The following TMEM272 variants were observed in gnomAD, a reference collection of about 807,000 sequenced individuals.
The protein encoded by TMEM272 is long intergenic non-protein coding RNA 282.
Under a neutral mutation model 3.7 loss-of-function variants are expected in TMEM272, and 8 were observed. The ratio of observed to expected loss-of-function variants is 2.17; its 90% CI spans 1.27 to 3.91. The LOEUF (loss-of-function observed/expected upper bound fraction) is 3.91. TMEM272 is among the 30% of genes most tolerant of loss of function. The pLI, the probability that TMEM272 is intolerant of heterozygous loss-of-function variation, is 0.00. For synonymous variants in TMEM272, 63 were observed against 39.8 expected, an observed-to-expected ratio of 1.58 and a Z score of -2.20; for missense variants, 166 against 91.5, an observed-to-expected ratio of 1.81 and a Z score of -3.32.
chr13:51,821,299 T>C (rs1956076433), intron 4 of TMEM272, among the ~76,000 whole-genome samples: 1 of 152,022 alleles, frequency 6.6e-6, no homozygotes, highest in East Asian at 1.9e-4. Context: ...CTGGGAAGAG[T>C]TGTTGATAGA....
At chr13:51,856,551 G>A in the TMEM272 span, among the ~76,000 whole-genome samples, 2 of 152,140 alleles carry the variant, frequency 1.3e-5, no homozygotes, top group Non-Finnish European at 2.9e-5. Context: ...CTTACACCCA[G>A]GAATGACCAA....
chr13:51,847,620 G>A (rs1231081358), upstream of TMEM272, among the ~76,000 whole-genome samples: 7 of 152,160 alleles, frequency 4.6e-5, no homozygotes, highest in South Asian at 2.1e-4. Context: ...GATACATGAC[G>A]GTACTTGAAT....
chr13:51,920,162 GA>G, the TMEM272 span, among the ~76,000 whole-genome samples: 1 of 150,978 alleles, frequency 6.6e-6, no homozygotes, highest in African/African-American at 2.4e-5. Flanking sequence ...AGAAAGATGT[GA>G]GCTGCTGCCT....
At chr13:51,903,434 C>T in the TMEM272 span, among the ~76,000 whole-genome samples, 1 of 152,106 alleles carries the variant, frequency 6.6e-6, no homozygotes, top group African/African-American at 2.4e-5. Flanking sequence ...GGCACACCAA[C>T]GAGGTCAGGG....
chr13:51,908,594 A>G, the TMEM272 span: 19 of 1,509,522 alleles, frequency 1.3e-5, no homozygotes, highest in Non-Finnish European at 1.7e-5. Flanking sequence ...CAGCAGGGAG[A>G]GATGAATCAG....
chr13:51,879,506 G>A, the TMEM272 span, among the ~76,000 whole-genome samples: 1 of 152,158 alleles, frequency 6.6e-6, no homozygotes, highest in Non-Finnish European at 1.5e-5. Context: ...GGTTTCCTGT[G>A]TCATCCAAAC....
the TMEM272 span, among the ~76,000 whole-genome samples, chr13:51,919,416 C>A: frequency 6.6e-6 from 1 of 152,082 alleles, no homozygotes; most frequent in Non-Finnish European, 1.5e-5. Flanking sequence ...TCTCCCAGAC[C>A]CCATTCTCTT....
At chr13:51,909,630 CCTT>C in the TMEM272 span, 10 of 1,439,086 alleles carry the variant, frequency 6.9e-6, no homozygotes, top group Non-Finnish European at 9.8e-6. Flanking sequence ...GTTTCTTTCT[CCTT>C]CTAAGGTTGT....
At chr13:51,857,804 AC>A in the TMEM272 span, among the ~76,000 whole-genome samples, 2 of 152,098 alleles carry the variant, frequency 1.3e-5, no homozygotes, top group African/African-American at 4.8e-5. Context: ...ATTTTTAAAA[AC>A]CAAATAAATG....
chr13:51,860,748 TATATAC>T, the TMEM272 span, among the ~76,000 whole-genome samples: 1 of 114,640 alleles, frequency 8.7e-6, no homozygotes, highest in Admixed American at 8.4e-5. Context: ...TGTATATATA[TATATAC>T]ACACACACAC....
upstream of TMEM272, among the ~76,000 whole-genome samples, chr13:51,847,367 A>C (rs892930967): frequency 1.3e-5 from 2 of 152,150 alleles, no homozygotes; most frequent in African/African-American, 4.8e-5. Context: ...CATGCCAGAA[A>C]TCTAGGTTGC....
chr13:51,901,716 T>G, the TMEM272 span, among the ~76,000 whole-genome samples: 17 of 152,152 alleles, frequency 1.1e-4, 1 homozygote, highest in Non-Finnish European at 2.4e-4. Context: ...ATCTAGAATC[T>G]ACCTGCTCTC....
the TMEM272 span, among the ~76,000 whole-genome samples, chr13:51,889,885 C>T: frequency 6.6e-6 from 1 of 152,174 alleles, no homozygotes; most frequent in African/African-American, 2.4e-5. Context: ...AGGTGATCCG[C>T]CCACCTCGGC....
chr13:51,866,151 T>C, the TMEM272 span: 86,770 of 1,262,490 alleles, frequency 0.069, 3,535 homozygotes, highest in Middle Eastern at 0.079. Context: ...GGTGAGCCCA[T>C]GTGCTGGAGA....
chr13:51,857,109 A>C, the TMEM272 span, among the ~76,000 whole-genome samples: 1 of 152,140 alleles, frequency 6.6e-6, no homozygotes. Flanking sequence ...TTCATTTCTT[A>C]TCTATGTTTT....
At chr13:51,869,490 AATT>A in the TMEM272 span, among the ~76,000 whole-genome samples, 1 of 111,750 alleles carries the variant, frequency 8.9e-6, no homozygotes, top group African/African-American at 3.1e-5. Flanking sequence ...CCAATTCAGT[AATT>A]TTTTTTTTTT....
intron 3 of TMEM272, among the ~76,000 whole-genome samples, chr13:51,823,404 C>G (rs989119829): frequency 5.3e-5 from 8 of 152,248 alleles, no homozygotes; most frequent in African/African-American, 1.9e-4. Flanking sequence ...AAAACTGATA[C>G]ATGATTCGTT....
the TMEM272 span, chr13:51,930,584 G>A: frequency 6.6e-6 from 1 of 151,868 alleles, no homozygotes; most frequent in East Asian, 1.9e-4. Flanking sequence ...GAAACTGACA[G>A]TCAGCCTAAG....
chr13:51,862,805 C>T, the TMEM272 span, among the ~76,000 whole-genome samples: 1 of 152,138 alleles, frequency 6.6e-6, no homozygotes, highest in Admixed American at 6.5e-5. Flanking sequence ...GGATTCTAGG[C>T]AAAGAGCCAT....
Sources: gnomAD v4.1 joint callset for allele counts (sites outside exome capture counted in the v4.1 genomes callset) on GRCh38, gnomAD v4.1.1 for gene constraint, MANE v1.5 for transcripts, NCBI Gene and HGNC (gene_info 2026-07-23, HGNC 2026-07-21) for gene names.